The following PHACTR2 variants were observed in gnomAD, a reference collection of about 807,000 sequenced individuals.
The protein encoded by PHACTR2 is phosphatase and actin regulator 2.
A neutral mutation model predicts 76.0 loss-of-function variants in PHACTR2; 30 were observed. The ratio of observed to expected loss-of-function variants is 0.39; its 90% CI spans 0.30 to 0.54. The LOEUF (loss-of-function observed/expected upper bound fraction) is 0.54. Ranked by LOEUF, PHACTR2 falls within the 20% of genes least tolerant of loss-of-function variation. PHACTR2 has a pLI of 0.61. For synonymous variants in PHACTR2, 292 were observed against 292.5 expected (o/e 1.00, Z 0.02); for missense variants, 696 against 781.1 (o/e 0.89, Z 1.30).
intron 2 of PHACTR2, among the ~76,000 whole-genome samples, chr6:143,726,993 A>G (rs528112965): frequency 1.5e-4 from 23 of 152,280 alleles, no homozygotes; most frequent in South Asian, 2.1e-4. Context: ...TATACAATAC[A>G]TTGTTGCAAT....
rs558685942 is a variant in PHACTR2 at position 143,570,070 on chromosome 6, C to G, written c.217+32863C>G. ...AAATAATAAAAGTCCCAGTCCAATC[C>G]TTTGAGGTCAATTTCATTGTTTTTC... is the stretch of plus-strand genomic sequence containing the variant. On this transcript the variant is annotated intron_variant, in intron 1 of 11. Coordinates refer to the PHACTR2 transcript ENST00000367584. The surrounding 1 kb of genome is among the most constrained non-coding windows in gnomAD (Gnocchi z 4.6). Among the ~76,000 whole-genome samples, 11 of 152,258 alleles carry G rather than the reference C, an allele frequency of 7.2e-5. No homozygotes were observed. The South Asian group carries it at 2.3e-3, about 32-fold the overall frequency.
At chr6:143,707,704 A>G (rs1778085400) in intron 1 of PHACTR2, among the ~76,000 whole-genome samples, 1 of 152,218 alleles carries the variant, frequency 6.6e-6, no homozygotes, top group Non-Finnish European at 1.5e-5. Flanking sequence ...ATTCAAACCT[A>G]CAATTTATTT....
At position 143,787,102 on chromosome 6, in the gene PHACTR2, C is replaced by T. The variant is rs1430970175; in HGVS notation, c.1708-1671C>T. 6.6e-6 allele frequency among the ~76,000 whole-genome samples: 1 copy of T among 152,194 alleles called. No individual in the cohort carries two copies. The highest frequency in any genetic ancestry group is 1.5e-5 in the Non-Finnish European group (1 of 68,036). On this transcript the variant is annotated intron_variant, in intron 10 of 12. Transcript: ENST00000440869. The surrounding 1 kb of genome is among the most constrained non-coding windows in gnomAD (Gnocchi z 4.6). ...TCATCTTTCTCAATCCAGCTGGGCC[C>T]CTCCATGAGGCAGCAGTGCCAGCCC...
At chr6:143,728,704 T>C (rs1778632240) in intron 2 of PHACTR2, among the ~76,000 whole-genome samples, 1 of 152,182 alleles carries the variant, frequency 6.6e-6, no homozygotes, top group Non-Finnish European at 1.5e-5. Context: ...CAACTGATTT[T>C]TGATAAAGGT....
At position 143,822,633 on chromosome 6, in the gene PHACTR2, G is replaced by A. The variant is rs965411412; in HGVS notation, c.1923-1041G>A. On this transcript the variant is annotated intron_variant, in intron 12 of 12. Transcript: ENST00000440869. The surrounding 1 kb of genome is among the most constrained non-coding windows in gnomAD (Gnocchi z 5.5). The stretch of plus-strand genomic sequence containing the variant: ...AGCCTGGGACAGGGAAACCAATTAG[G>A]AGACTGGCTGACCAGAGCAGATGAG... Among the ~76,000 whole-genome samples, 1 of 152,222 alleles carries A rather than the reference G, an allele frequency of 6.6e-6. No individual in the cohort carries two copies. The highest frequency in any genetic ancestry group is 2.4e-5 in the African/African-American group (1 of 41,454).
At chr6:143,786,897 C>T (rs188869187) in intron 10 of PHACTR2, among the ~76,000 whole-genome samples, 14 of 152,234 alleles carry the variant, frequency 9.2e-5, no homozygotes, top group Non-Finnish European at 1.5e-4. Context: ...GTGAGGACAC[C>T]GCCAAACCAT....
chr6:143,753,762 G>T lies in PHACTR2; in HGVS notation c.304G>T (p.Val102Leu). 6.3e-7 allele frequency: 1 copy of T among 1,594,818 alleles called. No individual in the cohort carries two copies. Among genetic ancestry groups the T allele is most frequent in the Non-Finnish European group, 8.5e-7 (1 of 1,174,472 alleles). Residue 102 changes from valine (V) to leucine (L), a missense_variant, in exon 4 of 13, where the codon GTA becomes TTA. By Grantham distance (32) the Val-to-Leu change is conservative. Around this residue, in one of 2 missense-constraint regions of PHACTR2, gnomAD observed 460 missense variants for 450.9 expected, o/e 1.02. Coordinates refer to ENST00000440869, the MANE Select transcript of PHACTR2 (RefSeq NM_001100164.2). The surrounding 1 kb of genome is among the most constrained non-coding windows in gnomAD (Gnocchi z 4.6). ...LKELPDQDGD[V>L]TVNFENSNGH... ...TTTCTTTCCCATTTTAGATGGAGATGTAACAGTTAACTTTGAAAATTCAAA... is the reference window on the plus strand; with the variant it reads ...TTTCTTTCCCATTTTAGATGGAGATTTAACAGTTAACTTTGAAAATTCAAA...
At position 143,646,258 on chromosome 6, in the gene PHACTR2, T is replaced by C. The variant is rs1776658151; in HGVS notation, c.13+37936T>C. On this transcript the variant is annotated intron_variant, in intron 1 of 11. Coordinates refer to the PHACTR2 transcript ENST00000305766. The surrounding 1 kb of genome is among the most constrained non-coding windows in gnomAD (Gnocchi z 4.1). ...TATTTTCATTGTTAGAGTGTCTATG[T>C]CTATGTCAGTAATTGGGATTATTTT... Among the ~76,000 whole-genome samples, 1 of 152,148 alleles carries C rather than the reference T, an allele frequency of 6.6e-6. No homozygotes were observed. The highest frequency in any genetic ancestry group is 2.1e-4 in the South Asian group (1 of 4,832).
At position 143,556,450 on chromosome 6, in the gene PHACTR2, A is replaced by T. The variant is rs913125683; in HGVS notation, c.217+19243A>T. On this transcript the variant is annotated intron_variant, in intron 1 of 11. Coordinates refer to the PHACTR2 transcript ENST00000367584. This position sits in a 1 kb window ranked among gnomAD's most constrained non-coding sequence, Gnocchi z 4.3. ...CAGCCAGCTTGATAGAATCATCAAA[A>T]ATAAAAATTGAGGCATATAACAAAA... 2.6e-5 allele frequency among the ~76,000 whole-genome samples: 4 copies of T among 152,270 alleles called. No individual in the cohort carries two copies. Among genetic ancestry groups the T allele is most frequent in the Non-Finnish European group, 5.9e-5 (4 of 68,046 alleles).
chr6:143,774,780 A>AGC lies in PHACTR2; in HGVS notation c.1589+565_1589+566insGC, dbSNP rs1775235472. ...AGGTAGCCTTAACCCTCATATCTGAACATCCCTCTTCCAACTTCAAGTAAA... is the reference window on the plus strand; with the variant it reads ...AGGTAGCCTTAACCCTCATATCTGAAGCCATCCCTCTTCCAACTTCAAGTAAA... On this transcript the variant is annotated intron_variant, in intron 8 of 12. Coordinates refer to ENST00000440869, the MANE Select transcript of PHACTR2 (RefSeq NM_001100164.2). This position sits in a 1 kb window ranked among gnomAD's most constrained non-coding sequence, Gnocchi z 5.4. Among the ~76,000 whole-genome samples the AGC allele has an allele frequency of 6.6e-6, 1 of 152,190 alleles. No individual in the cohort carries two copies. Among genetic ancestry groups the AGC allele is most frequent in the South Asian group, 2.1e-4 (1 of 4,836 alleles).
chr6:143,567,487 CTCCTGGAT>C (rs1299560525), intron 1 of PHACTR2, among the ~76,000 whole-genome samples: 1 of 152,232 alleles, frequency 6.6e-6, no homozygotes, highest in Non-Finnish European at 1.5e-5. Context: ...CAACCTCCAC[CTCCTGGAT>C]TCAAGTGATT....
rs554844489 is a variant in PHACTR2, at chr6:143,738,495, T to G, written c.215-10490T>G. Among the ~76,000 whole-genome samples the G allele has an allele frequency of 7.2e-5, 11 of 151,806 alleles. No individual in the cohort carries two copies. The highest frequency in any genetic ancestry group is 1.3e-4 in the Admixed American group (2 of 15,246). ...GAGTTGGGACCAGCACAGTGACTCA[T>G]GCCTGTAATCCTAGCACTTTGGGAG... On this transcript the variant is annotated intron_variant, in intron 2 of 12. Coordinates refer to ENST00000440869, the MANE Select transcript of PHACTR2 (RefSeq NM_001100164.2). This position sits in a 1 kb window ranked among gnomAD's most constrained non-coding sequence, Gnocchi z 4.0.
At chr6:143,636,127 A>C (rs1776448114) in intron 1 of PHACTR2, among the ~76,000 whole-genome samples, 1 of 33,396 alleles carries the variant, frequency 3.0e-5, no homozygotes, top group South Asian at 7.4e-4. Flanking sequence ...AGGCAGGAGA[A>C]TCTTTGAACC....
rs1342720994 is a variant in PHACTR2 at position 143,625,897 on chromosome 6, TG to T, written c.13+17579del. On this transcript the variant is annotated intron_variant, in intron 1 of 11. Transcript: ENST00000305766. This position sits in a 1 kb window ranked among gnomAD's most constrained non-coding sequence, Gnocchi z 4.3. ...CATGAAGAAAGGTAAAGCAGAGTGG[TG>T]GGGCAGGGACAACTGAAGAGCTCTT... Among the ~76,000 whole-genome samples, 3 of 152,148 alleles carry T rather than the reference TG, an allele frequency of 2.0e-5. No individual in the cohort carries two copies. Among genetic ancestry groups the T allele is most frequent in the Non-Finnish European group, 2.9e-5 (2 of 68,026 alleles).
intron 1 of PHACTR2, among the ~76,000 whole-genome samples, chr6:143,687,557 A>G (rs1777552280): frequency 6.6e-6 from 1 of 152,250 alleles, no homozygotes; most frequent in Admixed American, 6.5e-5. Flanking sequence ...AAGCAGGGGA[A>G]CAAAAACCAA....
In PHACTR2 at chr6:143,722,890, C is replaced by T. The variant is rs1408879791; in HGVS notation, c.214+10707C>T. On this transcript the variant is annotated intron_variant, in intron 2 of 12. Coordinates refer to ENST00000440869, the MANE Select transcript of PHACTR2 (RefSeq NM_001100164.2). This position sits in a 1 kb window ranked among gnomAD's most constrained non-coding sequence, Gnocchi z 4.1. ...TCTGTACCTGGCTTATTTTACTTAA[C>T]ATAATGTCCTTCAGTTCCATCCGTG... Among the ~76,000 whole-genome samples, 1 of 152,230 alleles carries T rather than the reference C, an allele frequency of 6.6e-6. No homozygotes were observed. The highest frequency in any genetic ancestry group is 2.4e-5 in the African/African-American group (1 of 41,452).
At chr6:143,629,256 T>C (rs1776318903) in intron 1 of PHACTR2, among the ~76,000 whole-genome samples, 2 of 152,060 alleles carry the variant, frequency 1.3e-5, no homozygotes, top group Admixed American at 1.3e-4. Flanking sequence ...GATAGACATC[T>C]AACCACGTCT....
At chr6:143,741,993 T>C (rs1057452599) in intron 2 of PHACTR2, among the ~76,000 whole-genome samples, 1 of 151,774 alleles carries the variant, frequency 6.6e-6, no homozygotes, top group African/African-American at 2.4e-5. Flanking sequence ...TAATCCCAGC[T>C]ACTTGGGAGG....
At position 143,801,517 on chromosome 6, in the gene PHACTR2, G is replaced by A. The variant is rs540198100; in HGVS notation, c.1846-5540G>A. Among the ~76,000 whole-genome samples the A allele has an allele frequency of 8.5e-5, 13 of 152,074 alleles. No individual in the cohort carries two copies. The South Asian group carries it at 1.5e-3, about 17-fold the overall frequency. ...CTATTGAGGCTTGTGTATGCTTCAC[G>A]GAGTTCTCGTACTGTAGTTTTCAGC... On this transcript the variant is annotated intron_variant, in intron 11 of 12. Coordinates refer to ENST00000440869, the MANE Select transcript of PHACTR2 (RefSeq NM_001100164.2). This position sits in a 1 kb window ranked among gnomAD's most constrained non-coding sequence, Gnocchi z 4.6.
Sources: gnomAD v4.1 joint callset for allele counts (sites outside exome capture counted in the v4.1 genomes callset) on GRCh38, gnomAD v4.1.1 for gene constraint, gnomAD v4.1.1 regional missense constraint, Gnocchi (gnomAD v3.1) non-coding constraint, MANE v1.5 for transcripts, NCBI Gene and HGNC (gene_info 2026-07-23, HGNC 2026-07-21) for gene names.